SMPD4: variants seen among roughly 807,000 people sequenced by gnomAD.
SMPD4 encodes the protein neutral sphingomyelinase 3.
Under a neutral mutation model 97.8 loss-of-function variants are expected in SMPD4, and 58 were observed. The ratio of observed to expected loss-of-function variants is 0.59; its 90% confidence interval spans 0.48 to 0.74. The LOEUF is 0.74. Ranked by LOEUF, SMPD4 falls within the 30% of genes least tolerant of loss-of-function variation. The pLI is 0.00. For missense variants in SMPD4, 853 were observed against 1,080.5 expected (o/e 0.79, Z 2.95); for synonymous variants, 388 against 450.0 (o/e 0.86, Z 1.74).
chr2:130,181,139 G>A (rs1490633207), intron 1 of SMPD4, among the ~76,000 whole-genome samples: 1 of 152,174 alleles, frequency 6.6e-6, no homozygotes, highest in Non-Finnish European at 1.5e-5. Context: ...CCAAAACCAA[G>A]GCTCGGAGAT....
intron 14 of SMPD4, 56 bp from the exon 15 acceptor site, chr2:130,155,315 A>G (rs1273042664): frequency 1.5e-5 from 24 of 1,605,712 alleles, no homozygotes; most frequent in Middle Eastern, 1.7e-4. Context: ...CATGCCCCTA[A>G]TGCCCGGTCC....
chr2:130,154,320 T>C lies in SMPD4; in HGVS notation c.1616A>G (p.Asp539Gly). 1 of 1,610,600 alleles carries C rather than the reference T, an allele frequency of 6.2e-7. No individual in the cohort carries two copies. The highest frequency in any genetic ancestry group is 8.5e-7 in the Non-Finnish European group (1 of 1,178,562). The change falls in exon 16 of 20, where the codon GAC (aspartate) becomes GGC (glycine). Residue 539 changes from aspartate to glycine, a missense_variant. By Grantham distance (94) the Asp-to-Gly change is moderately conservative. Around this residue, in one of 3 missense-constraint regions of SMPD4, gnomAD observed 511 missense variants for 608.1 expected, o/e 0.84. Coordinates refer to ENST00000680298, the MANE Select transcript of SMPD4 (RefSeq NM_017951.5). ...KSHVYSLEGQ[D>G]CKYTPMFGPE... The stretch of plus-strand genomic sequence containing the variant: ...CCCAAACATCGGGGTGTACTTGCAG[T>C]CCTGGCCCTCCAGGCTGTAGACGTG...
chr2:130,152,572 T>TC lies in SMPD4; in HGVS notation c.2466dup (p.Lys823GlufsTer185). ...TGACACCTTCAGGGCTGGTGCAGCT[T>TC]CCCCCGCTCGGTCAGCAGTGTCATG... On this transcript the variant is annotated frameshift_variant, in exon 20 of 20. Transcript: ENST00000680298. LOFTEE classifies it high-confidence loss of function. 3 of 1,547,280 alleles carry TC rather than the reference T, an allele frequency of 1.9e-6. No homozygotes were observed. The highest frequency in any genetic ancestry group is 2.6e-6 in the Non-Finnish European group (3 of 1,145,130).
At position 130,174,909 on chromosome 2, in the gene SMPD4, T is replaced by C. The variant is rs1688826093; in HGVS notation, c.126+5A>G. On this transcript the variant is annotated splice_donor_5th_base_variant and intron_variant, in intron 3 of 19. Coordinates refer to ENST00000680298, the MANE Select transcript of SMPD4 (RefSeq NM_017951.5). ...CTCCAAAGAGAGACGTTAGCAGAGC[T>C]ATACCTTTGCTGGAAAGTCCTCAAT... The C allele has an allele frequency of 1.3e-6, 2 of 1,593,662 alleles. No homozygotes were observed. The highest frequency in any genetic ancestry group is 1.7e-6 in the Non-Finnish European group (2 of 1,161,892).
chr2:130,181,402 G>A (rs1163551269), intron 1 of SMPD4, 128 bp downstream of exon 1: 2 of 1,479,560 alleles, frequency 1.4e-6, no homozygotes, highest in Non-Finnish European at 1.8e-6. Flanking sequence ...AGCCTGCCCT[G>A]CCTGGGCAGA....
chr2:130,176,491 C>T lies in SMPD4; in HGVS notation c.39+63G>A, dbSNP rs1001427051. On this transcript the variant is annotated intron_variant, in intron 2 of 19. Transcript: ENST00000680298. ...GTTCTTCAAGTCAATGGGAAGAACA[C>T]TCAAGTCCCACATCTACAGAACTAT... 7 of 1,382,850 alleles carry T rather than the reference C, an allele frequency of 5.1e-6. No individual in the cohort carries two copies. In the African/African-American group the frequency reaches 1.0e-4, roughly 20 times the overall value. 85.7% of individuals were successfully genotyped at this position (1,382,850 alleles called of 1,614,324 possible). A position where few individuals can be genotyped will look rare whatever the true frequency, so the allele number is the denominator to read the frequency against.
chr2:130,175,732 C>A (rs1269700398), intron 2 of SMPD4, among the ~76,000 whole-genome samples: 1 of 152,144 alleles, frequency 6.6e-6, no homozygotes, highest in African/African-American at 2.4e-5. Context: ...GGAGAAACGG[C>A]TAGAATTTCA....
rs1686367667 is a variant in SMPD4, at chr2:130,152,872, T to C, written c.2167A>G (p.Met723Val). The C allele has an allele frequency of 1.9e-6, 3 of 1,584,092 alleles. No individual in the cohort carries two copies. Among genetic ancestry groups the C allele is most frequent in the Non-Finnish European group, 2.6e-6 (3 of 1,162,932 alleles). ...SAINHRFAGQ[M>V]AALCSRDDFL... Reference sequence around the variant, plus strand: ...TCATCCCGGGAACACAGAGCCGCCATCTGTCCTGCAAACTGAAGCACAGAC... The same window carrying C: ...TCATCCCGGGAACACAGAGCCGCCACCTGTCCTGCAAACTGAAGCACAGAC... Residue 723 changes from methionine (M) to valine (V), a missense_variant, in exon 20 of 20, where the codon ATG (methionine) becomes GTG (valine). By Grantham distance (21) the Met-to-Val change is conservative. This residue lies in a region of SMPD4 where 511 missense variants were observed against 608.1 expected (regional missense o/e 0.84). Transcript: ENST00000680298.
At chr2:130,181,683 T>C (rs1341838013), upstream of SMPD4, 1 of 1,548,274 alleles carries the variant, frequency 6.5e-7, no homozygotes, top group African/African-American at 1.4e-5. Context: ...AAAAGGCGCG[T>C]GCGCAAAGCG....
chr2:130,180,101 T>C (rs1211912310), intron 1 of SMPD4, among the ~76,000 whole-genome samples: 1 of 151,100 alleles, frequency 6.6e-6, no homozygotes, highest in Non-Finnish European at 1.5e-5. Context: ...GTAGCTGGGA[T>C]TACAGGCGCC....
chr2:130,178,751 C>T (rs1689202143), intron 1 of SMPD4, among the ~76,000 whole-genome samples: 1 of 149,826 alleles, frequency 6.7e-6, no homozygotes, highest in Non-Finnish European at 1.5e-5. Flanking sequence ...GCCAAGATCA[C>T]ACCATTGCAC....
At position 130,160,783 on chromosome 2, in the gene SMPD4, C is replaced by T. The variant is rs13414157; in HGVS notation, c.951+403G>A. 6.5e-3 allele frequency among the ~76,000 whole-genome samples: 993 copies of T among 152,188 alleles called. 13 individuals carry two copies. Among genetic ancestry groups the T allele is most frequent in the African/African-American group, 0.023 (952 of 41,522 alleles). Reference sequence around the variant, plus strand: ...ACCACCCGTAAGTCCCAGGCCTCTGCGTCTTCAGCTCCTTCCTAAGCGCCA... The same window carrying T: ...ACCACCCGTAAGTCCCAGGCCTCTGTGTCTTCAGCTCCTTCCTAAGCGCCA... On this transcript the variant is annotated intron_variant, in intron 11 of 19. Transcript: ENST00000680298.
intron 13 of SMPD4, 111 bp downstream of exon 13, chr2:130,156,474 G>A: frequency 9.1e-7 from 1 of 1,094,596 alleles, no homozygotes; most frequent in Non-Finnish European, 1.3e-6. Flanking sequence ...CCCCCTCCTT[G>A]CCAAGGCCTC....
rs183325714 is a variant in SMPD4 at position 130,176,102 on chromosome 2, C to A, written c.39+452G>T. Among the ~76,000 whole-genome samples the A allele has an allele frequency of 9.1e-4, 139 of 152,216 alleles. 4 individuals are homozygous for A. The East Asian group carries it at 0.023, about 25-fold the overall frequency. On this transcript the variant is annotated intron_variant, in intron 2 of 19. Transcript: ENST00000680298. ...TCTCCTCAGTAGCTGGAACTCCAGG[C>A]ATGAGCCACTGCACCCAGTTCTCAG...
intron 9 of SMPD4, among the ~76,000 whole-genome samples, 174 bp downstream of exon 9, chr2:130,167,284 C>A (rs1220465147): frequency 6.6e-6 from 1 of 152,170 alleles, no homozygotes; most frequent in Non-Finnish European, 1.5e-5. Flanking sequence ...CCACGCCCAA[C>A]TAATTTTTGT....
At chr2:130,174,720 T>C (rs978820183) in intron 3 of SMPD4, among the ~76,000 whole-genome samples, 194 bp downstream of exon 3, 1 of 152,194 alleles carries the variant, frequency 6.6e-6, no homozygotes, top group Non-Finnish European at 1.5e-5. Flanking sequence ...ACAGAGCATC[T>C]GTGGCTGAGA....
intron 3 of SMPD4, among the ~76,000 whole-genome samples, chr2:130,174,592 C>T (rs1688796275): frequency 6.6e-6 from 1 of 152,178 alleles, no homozygotes; most frequent in Non-Finnish European, 1.5e-5. Flanking sequence ...CTGTGCTTTG[C>T]AGAATGTTTC....
Position 130,170,091 on chromosome 2 carries a change from C to G in SMPD4, c.659+2258G>C, listed in dbSNP as rs1438249327. 4.0e-5 allele frequency among the ~76,000 whole-genome samples: 6 copies of G among 151,828 alleles called. No homozygotes were observed. In the East Asian group the frequency reaches 1.2e-3, roughly 29 times the overall value. On this transcript the variant is annotated intron_variant, in intron 8 of 19. Transcript: ENST00000680298. ...GGCTGTAGTGATGCATGCCTATAGT[C>G]ACTGATGTGACAGGCTGGCTTGAGT...
Position 130,172,471 on chromosome 2 carries a change from A to G in SMPD4, c.537T>C (p.Thr179=). The change falls in exon 8 of 20, where the codon ACT becomes ACC. Residue 179 remains threonine (T), a synonymous_variant. Coordinates refer to ENST00000680298, the MANE Select transcript of SMPD4 (RefSeq NM_017951.5). ...CCAGGATGAAATAGGCACAGTCTGAAGTACGGACGTGGAGGGACACAGGAA... is the reference window on the plus strand; with the variant it reads ...CCAGGATGAAATAGGCACAGTCTGAGGTACGGACGTGGAGGGACACAGGAA... ...KPLPVSLHVR[T]SDCAYFILVD... 6.2e-7 allele frequency: 1 copy of G among 1,611,954 alleles called. No homozygotes were observed. Among genetic ancestry groups the G allele is most frequent in the Non-Finnish European group, 8.5e-7 (1 of 1,178,664 alleles).
Sources: gnomAD v4.1 joint callset for allele counts (sites outside exome capture counted in the v4.1 genomes callset) on GRCh38, gnomAD v4.1.1 for gene constraint, gnomAD v4.1.1 regional missense constraint, MANE v1.5 for transcripts, NCBI Gene and HGNC (gene_info 2026-07-23, HGNC 2026-07-21) for gene names.